FANCD2: variants seen among roughly 807,000 people sequenced by gnomAD.
FANCD2 encodes the protein Fanconi anemia group D2 protein.
In FANCD2, 131 loss-of-function variants were observed where a neutral mutation model predicts 192.3. The ratio of observed to expected loss-of-function variants is 0.68; its 90% CI spans 0.59 to 0.79. FANCD2 has a LOEUF of 0.79. Ranked by LOEUF, FANCD2 falls within the 30% of genes least tolerant of loss-of-function variation. The pLI is 0.00. For missense variants in FANCD2, 1,508 were observed against 1,701.6 expected, an observed-to-expected ratio of 0.89 and a Z score of 2.00; for synonymous variants, 524 against 612.5, an observed-to-expected ratio of 0.86 and a Z score of 2.13.
chr3:10,078,350 T>C (rs1302773299), intron 30 of FANCD2, among the ~76,000 whole-genome samples, 153 bp downstream of exon 30: 1 of 151,840 alleles, frequency 6.6e-6, no homozygotes, highest in Non-Finnish European at 1.5e-5. Flanking sequence ...TCATCTTGCT[T>C]TATTTATTTA....
At chr3:10,073,019 A>G (rs1693341651) in intron 27 of FANCD2, 38 bp downstream of exon 27, 5 of 1,234,332 alleles carry the variant, frequency 4.1e-6, no homozygotes, top group South Asian at 2.4e-5. Flanking sequence ...GTGTCTCTAA[A>G]TAAGCTTCAT....
At chr3:10,051,416 AGT>A (rs1559381209) in intron 17 of FANCD2, among the ~76,000 whole-genome samples, 493 of 7,098 alleles carry the variant, frequency 0.069, 44 homozygotes, top group South Asian at 0.15. Flanking sequence ...AACAAAAAGG[AGT>A]GAGGGATTTA....
chr3:10,036,105 T>TTTTTTTTTTTG (rs2086724568), intron 6 of FANCD2, among the ~76,000 whole-genome samples, 182 bp from the exon 7 acceptor site: 1 of 146,788 alleles, frequency 6.8e-6, no homozygotes, highest in Admixed American at 6.7e-5. Flanking sequence ...TTTTTTTTTT[T>TTTTTTTTTTTG]GAGTCAGAGT....
intron 40 of FANCD2, 35 bp from the exon 41 acceptor site, chr3:10,095,165 A>G: frequency 6.4e-7 from 1 of 1,554,642 alleles, no homozygotes; most frequent in Non-Finnish European, 8.9e-7. Context: ...AAATCAGGAC[A>G]TTTCATAGAG....
Position 10,088,520 on chromosome 3 carries a change from G to A in FANCD2, c.3538G>A (p.Asp1180Asn), listed in dbSNP as rs567825484. 2.3e-5 allele frequency: 37 copies of A among 1,607,064 alleles called. No homozygotes were observed. The South Asian group carries it at 4.1e-4, about 18-fold the overall frequency. ...GDKEKSNISN[D>N]QLHALLCIYL... Reference sequence around the variant, plus strand: ...TAAAGAGAAGAGCAACATCTCTAATGACCAGCTCCATGCTCTGCTCTGGTG... The same window carrying A: ...TAAAGAGAAGAGCAACATCTCTAATAACCAGCTCCATGCTCTGCTCTGGTG... The change falls in exon 35 of 44, where the codon GAC (aspartate) becomes AAC (asparagine). Residue 1180 changes from aspartate (D) to asparagine (N), a missense_variant. Physicochemically the swap from Asp to Asn is conservative, Grantham distance 23 (BLOSUM62 1). Transcript: ENST00000675286.
At chr3:10,077,953 G>A (rs1693624235) in intron 29 of FANCD2, 128 bp from the exon 30 acceptor site, 4 of 750,750 alleles carry the variant, frequency 5.3e-6, no homozygotes, top group African/African-American at 1.7e-5. Flanking sequence ...AGGATAACTT[G>A]GGCCCAGGAG....
At chr3:10,047,401 G>A (rs1166901235) in intron 15 of FANCD2, among the ~76,000 whole-genome samples, 1 of 152,274 alleles carries the variant, frequency 6.6e-6, no homozygotes, top group Non-Finnish European at 1.5e-5. Context: ...AAAAATTATG[G>A]TATCAATAAG....
At chr3:10,080,950 C>G in intron 30 of FANCD2, 150 bp from the exon 31 acceptor site, 1 of 819,324 alleles carries the variant, frequency 1.2e-6, no homozygotes, top group Non-Finnish European at 2.0e-6. Context: ...ATTTTTATCC[C>G]TCTGTCAGAA....
intron 42 of FANCD2, among the ~76,000 whole-genome samples, chr3:10,097,407 C>A (rs1003668836): frequency 6.6e-6 from 1 of 152,134 alleles, no homozygotes; most frequent in Non-Finnish European, 1.5e-5. Context: ...CCGGGGGGGC[C>A]CAGTTCAGAG....
intron 14 of FANCD2, chr3:10,045,826 T>A (rs1364259771): frequency 6.6e-6 from 1 of 151,718 alleles, no homozygotes; most frequent in Non-Finnish European, 1.5e-5. Context: ...GGTCTTGAAC[T>A]CCTGACGTCG....
rs1455247186 is a variant in FANCD2, at chr3:10,065,923, A to G, written c.2329A>G (p.Lys777Glu). 1 of 1,613,770 alleles carries G rather than the reference A, an allele frequency of 6.2e-7. No homozygotes were observed. Among genetic ancestry groups the G allele is most frequent in the Non-Finnish European group, 8.5e-7 (1 of 1,179,674 alleles). Residue 777 changes from lysine to glutamate, a missense_variant, in exon 25 of 44, where the codon AAA (lysine) becomes GAA (glutamate). Lys to Glu is a moderately conservative substitution (Grantham distance 56). Around this residue, in one of 5 missense-constraint regions of FANCD2, gnomAD observed 796 missense variants for 879.4 expected, o/e 0.91. Coordinates refer to ENST00000675286, the MANE Select transcript of FANCD2 (RefSeq NM_001018115.3). ...PGEKLESMSA[K>E]ERSFMCSLIF... ...AGAGAAGTTGGAGTCCATGTCTGCT[A>G]AAGAGCGTTCATTCATGTGTTCTCT...
intron 17 of FANCD2, among the ~76,000 whole-genome samples, chr3:10,051,533 A>T (rs2087217208): frequency 6.6e-6 from 1 of 152,042 alleles, no homozygotes; most frequent in Non-Finnish European, 1.5e-5. Flanking sequence ...TGTTAATTGA[A>T]TTATAAGGGT....
chr3:10,094,443 G>A (rs559937725), intron 40 of FANCD2, 80 bp downstream of exon 40: 53 of 1,225,012 alleles, frequency 4.3e-5, no homozygotes, highest in Non-Finnish European at 5.5e-5. Flanking sequence ...CCTGGGTGGG[G>A]CTGGGAGTGT....
At chr3:10,072,750 G>A (rs1195571823) in intron 26 of FANCD2, 121 bp from the exon 27 acceptor site, 1 of 712,504 alleles carries the variant, frequency 1.4e-6, no homozygotes, top group East Asian at 2.7e-5. Context: ...TGTCTTATAA[G>A]CATTCAGCCA....
Position 10,087,130 on chromosome 3 carries a change from A to G in FANCD2, c.3336-4A>G, listed in dbSNP as rs1401428265. On this transcript the variant is annotated splice_polypyrimidine_tract_variant and splice_region_variant and intron_variant, in intron 33 of 43. Transcript: ENST00000675286. ...ATTTGTTTGTTTTTCTTGTCTCCTT[A>G]CAGCCAGAGCGTCCATTACTTGCAG... is the stretch of plus-strand genomic sequence containing the variant. The G allele has an allele frequency of 6.2e-7, 1 of 1,613,936 alleles. No homozygotes were observed. The highest frequency in any genetic ancestry group is 1.3e-5 in the African/African-American group (1 of 74,914).
chr3:10,093,770 T>C (rs950462702), intron 39 of FANCD2, among the ~76,000 whole-genome samples: 1 of 152,134 alleles, frequency 6.6e-6, no homozygotes, highest in Non-Finnish European at 1.5e-5. Flanking sequence ...AGTCAGAATG[T>C]TATGGGGAGA....
At position 10,035,193 on chromosome 3, in the gene FANCD2, A is replaced by C. The variant is rs775540976; in HGVS notation, c.398A>C (p.Lys133Thr). 6.2e-7 allele frequency: 1 copy of C among 1,613,758 alleles called. No homozygotes were observed. The highest frequency in any genetic ancestry group is 2.2e-5 in the East Asian group (1 of 44,874). Residue 133 changes from lysine to threonine, a missense_variant, in exon 6 of 44, where the codon AAG becomes ACG. Lys to Thr is a moderately conservative substitution (Grantham distance 78). Around this residue, in one of 5 missense-constraint regions of FANCD2, gnomAD observed 435 missense variants for 421.9 expected, o/e 1.03. Transcript: ENST00000675286. ...EEASMGASYS[K>T]SLIKLLLGID... is the part of the protein sequence containing the mutation. ...TACAGTATGGGTGCATCTTATTCTAAGAGTCTCATCAAACTGCTTCTGGGG... is the reference window on the plus strand; with the variant it reads ...TACAGTATGGGTGCATCTTATTCTACGAGTCTCATCAAACTGCTTCTGGGG...
chr3:10,057,562 A>G (rs1203978194), intron 18 of FANCD2, among the ~76,000 whole-genome samples: 1 of 151,982 alleles, frequency 6.6e-6, no homozygotes, highest in African/African-American at 2.4e-5. Context: ...ACGGGGTTTC[A>G]CCATGTTGGC....
chr3:10,046,424 GT>G lies in FANCD2; in HGVS notation c.1135-152del, dbSNP rs577218439. 507 of 1,271,384 alleles carry G rather than the reference GT, an allele frequency of 4.0e-4. 11 individuals are homozygous for G. In the South Asian group the frequency reaches 6.8e-3, roughly 17 times the overall value. The allele number at this position is 1,271,384 out of a possible 1,614,324, so 78.8% of individuals were successfully genotyped here. A position where few individuals can be genotyped will look rare whatever the true frequency, so the allele number is the denominator to read the frequency against. ...TTATTTATCTGAAAAATATTTCTGA[GT>G]TTTGTGAAAAGTGTAGATACTCCCA... On this transcript the variant is annotated intron_variant, in intron 14 of 43. Coordinates refer to ENST00000675286, the MANE Select transcript of FANCD2 (RefSeq NM_001018115.3).
Sources: allele counts gnomAD v4.1 joint callset (sites outside exome capture counted in the v4.1 genomes callset), GRCh38; gene constraint gnomAD v4.1.1; regional missense constraint gnomAD v4.1.1; transcripts MANE v1.5; gene names NCBI Gene and HGNC (gene_info 2026-07-23, HGNC 2026-07-21).